Variants in SAMD3 observed in about 807,000 individuals in gnomAD.
SAMD3 encodes the protein sterile alpha motif domain-containing protein 3.
Under a neutral mutation model 58.5 loss-of-function variants are expected in SAMD3, and 63 were observed. That is an observed-to-expected ratio of 1.08 (90% CI 0.88 to 1.33). The LOEUF (loss-of-function observed/expected upper bound fraction) is 1.33. Ranked by LOEUF, SAMD3 falls within the 40% of genes most tolerant of loss-of-function variation. The pLI is 0.00. For missense variants in SAMD3, 604 were observed against 608.4 expected, an observed-to-expected ratio of 0.99 and a Z score of 0.08; for synonymous variants, 220 against 210.3, an observed-to-expected ratio of 1.05 and a Z score of -0.40.
At chr6:130,335,686 A>G (rs1171381928) in intron 1 of SAMD3, among the ~76,000 whole-genome samples, 4 of 152,302 alleles carry the variant, frequency 2.6e-5, no homozygotes, top group Non-Finnish European at 4.4e-5. Flanking sequence ...AGGACTATAA[A>G]TCATGCTGCT....
intron 1 of SAMD3, among the ~76,000 whole-genome samples, chr6:130,325,669 G>A (rs1776733111): frequency 6.6e-6 from 1 of 152,200 alleles, no homozygotes; most frequent in South Asian, 2.1e-4. Context: ...CCTTAAGCCA[G>A]TCAAGGTGAC....
chr6:130,343,722 T>C (rs922520963), intron 1 of SAMD3, among the ~76,000 whole-genome samples: 2 of 152,226 alleles, frequency 1.3e-5, no homozygotes, highest in African/African-American at 4.8e-5. Context: ...CCCAGCACTT[T>C]GAGAGGCTGA....
chr6:130,343,416 C>A (rs6930509), intron 1 of SAMD3, among the ~76,000 whole-genome samples: 35,761 of 151,964 alleles, frequency 0.24, 5,616 homozygotes, highest in African/African-American at 0.45. Context: ...AAAGGCATAT[C>A]TCTGCAGTAT....
intron 5 of SAMD3, among the ~76,000 whole-genome samples, chr6:130,187,732 C>G (rs1054469724): frequency 6.6e-6 from 1 of 152,070 alleles, no homozygotes; most frequent in Non-Finnish European, 1.5e-5. Flanking sequence ...GGGCAGAACA[C>G]CATAATAAGT....
chr6:130,288,037 T>C (rs1188862811), intron 2 of SAMD3, among the ~76,000 whole-genome samples: 1 of 152,092 alleles, frequency 6.6e-6, no homozygotes, highest in Non-Finnish European at 1.5e-5. Context: ...AGCCAGTGTG[T>C]TATGCAAATT....
chr6:130,191,737 T>A (rs1793569670), intron 5 of SAMD3, among the ~76,000 whole-genome samples: 1 of 152,002 alleles, frequency 6.6e-6, no homozygotes, highest in Admixed American at 6.6e-5. Flanking sequence ...CTTCTACAAA[T>A]AAAACAGGTG....
At chr6:130,211,576 G>A (rs547811238) in intron 4 of SAMD3, among the ~76,000 whole-genome samples, 25 of 152,110 alleles carry the variant, frequency 1.6e-4, no homozygotes, top group Admixed American at 3.9e-4. Flanking sequence ...AACCCACCAC[G>A]CCGAGCTGCC....
chr6:130,362,725 A>C (rs1370729898), intron 1 of SAMD3, among the ~76,000 whole-genome samples: 1 of 152,196 alleles, frequency 6.6e-6, no homozygotes, highest in East Asian at 1.9e-4. Flanking sequence ...AGAATTTATA[A>C]ATATTTAAGT....
In SAMD3 at chr6:130,356,593, T is replaced by C. The variant is rs922275722; in HGVS notation, c.-304+8527A>G. On this transcript the variant is annotated intron_variant, in intron 1 of 13. Coordinates refer to the SAMD3 transcript ENST00000368134. Reference sequence around the variant, plus strand: ...AGGGTGAAGACTATGGTCTGGAACATAGTAGTAGGAACACATGAAAAGTGT... The same window carrying C: ...AGGGTGAAGACTATGGTCTGGAACACAGTAGTAGGAACACATGAAAAGTGT... Among the ~76,000 whole-genome samples the C allele has an allele frequency of 1.2e-4, 19 of 152,324 alleles. 1 individual carries two copies. The East Asian group carries it at 2.7e-3, about 22-fold the overall frequency.
chr6:130,220,146 C>A (rs550678490), intron 1 of SAMD3, among the ~76,000 whole-genome samples: 2 of 152,034 alleles, frequency 1.3e-5, no homozygotes, highest in Admixed American at 1.3e-4. Context: ...GGATTACAGA[C>A]GCGTGCCACC....
intron 1 of SAMD3, among the ~76,000 whole-genome samples, chr6:130,320,548 C>T (rs900050337): frequency 6.6e-6 from 1 of 152,046 alleles, no homozygotes; most frequent in African/African-American, 2.4e-5. Flanking sequence ...ATGTAACTAT[C>T]CAAGATAAAT....
chr6:130,158,631 A>G (rs561215962), intron 8 of SAMD3, among the ~76,000 whole-genome samples: 2 of 152,364 alleles, frequency 1.3e-5, no homozygotes, highest in African/African-American at 4.8e-5. Context: ...CTTGACTACA[A>G]GTTGTCCAGG....
intron 5 of SAMD3, among the ~76,000 whole-genome samples, chr6:130,205,520 T>C (rs1384922731): frequency 6.6e-6 from 1 of 151,998 alleles, no homozygotes; most frequent in East Asian, 1.9e-4. Context: ...GCCAGACTGC[T>C]CTCGAACTCC....
intron 1 of SAMD3, among the ~76,000 whole-genome samples, chr6:130,315,426 A>C (rs1776329584): frequency 6.6e-6 from 1 of 152,166 alleles, no homozygotes; most frequent in Non-Finnish European, 1.5e-5. Flanking sequence ...CCTTACATAA[A>C]GTCATTTGGC....
chr6:130,217,288 A>T (rs540063217), intron 1 of SAMD3, among the ~76,000 whole-genome samples: 31 of 152,330 alleles, frequency 2.0e-4, no homozygotes, highest in African/African-American at 7.2e-4. Context: ...CCATGAAGGC[A>T]TAAACTATAT....
intron 1 of SAMD3, among the ~76,000 whole-genome samples, chr6:130,351,743 G>A (rs112248449): frequency 1.3e-5 from 2 of 152,116 alleles, no homozygotes; most frequent in African/African-American, 4.8e-5. Flanking sequence ...AAAACATGCT[G>A]CTCTAAAGAC....
intron 2 of SAMD3, among the ~76,000 whole-genome samples, chr6:130,246,886 C>CA (rs1159488093): frequency 6.6e-6 from 1 of 151,914 alleles, no homozygotes; most frequent in Non-Finnish European, 1.5e-5. Flanking sequence ...GAGACTGTCA[C>CA]AATTGAAAAG....
At chr6:130,335,450 C>A (rs1777069381) in intron 1 of SAMD3, among the ~76,000 whole-genome samples, 1 of 152,224 alleles carries the variant, frequency 6.6e-6, no homozygotes, top group Non-Finnish European at 1.5e-5. Flanking sequence ...GTACTCATTA[C>A]ATGCTATAGA....
intron 5 of SAMD3, among the ~76,000 whole-genome samples, chr6:130,190,887 A>G (rs117660251): frequency 0.013 from 1,991 of 152,100 alleles, 18 homozygotes; most frequent in South Asian, 0.042. Flanking sequence ...GTCCAAGCAA[A>G]ATAAGGCAAT....
Sources: allele counts gnomAD v4.1 joint callset (sites outside exome capture counted in the v4.1 genomes callset), GRCh38; gene constraint gnomAD v4.1.1; transcripts MANE v1.5; gene names NCBI Gene and HGNC (gene_info 2026-07-23, HGNC 2026-07-21).